The following CCSER1 variants were observed in gnomAD, a reference collection of about 807,000 sequenced individuals.
CCSER1 encodes serine-rich coiled-coil domain-containing protein 1.
In CCSER1, 41 loss-of-function variants were observed where a neutral mutation model predicts 82.0. The ratio of observed to expected loss-of-function variants is 0.50; its 90% CI spans 0.39 to 0.65. The LOEUF (loss-of-function observed/expected upper bound fraction) is 0.65. CCSER1 is among the 30% of genes least tolerant of loss of function. CCSER1 has a pLI of 0.00. For missense variants in CCSER1, 1,119 were observed against 1,064.2 expected (o/e 1.05, Z -0.72); for synonymous variants, 414 against 383.9 (o/e 1.08, Z -0.92).
intron 9 of CCSER1, among the ~76,000 whole-genome samples, chr4:90,950,487 TAAAAC>T (rs779011778): frequency 1.3e-5 from 2 of 151,998 alleles, no homozygotes; most frequent in South Asian, 2.1e-4. Context: ...TAGAAACTCT[TAAAAC>T]AAAACATACA....
intron 7 of CCSER1, among the ~76,000 whole-genome samples, chr4:90,738,456 T>C (rs898117291): frequency 5.3e-5 from 8 of 152,126 alleles, no homozygotes; most frequent in African/African-American, 1.9e-4. Flanking sequence ...TTTCTCTTAC[T>C]TTCCCCCAAA....
intron 10 of CCSER1, among the ~76,000 whole-genome samples, chr4:91,107,215 A>G (rs55693164): frequency 0.3 from 46,016 of 151,992 alleles, 8,081 homozygotes; most frequent in East Asian, 0.46. Context: ...GTGTAAGTCG[A>G]ATCTTTGATG....
intron 4 of CCSER1, among the ~76,000 whole-genome samples, chr4:90,437,704 A>G (rs992249797): frequency 6.6e-6 from 1 of 152,140 alleles, no homozygotes; most frequent in Non-Finnish European, 1.5e-5. Flanking sequence ...GAGGCAAGCA[A>G]CCTCTTCATT....
intron 10 of CCSER1, among the ~76,000 whole-genome samples, chr4:91,487,696 G>A (rs1758295032): frequency 6.6e-6 from 1 of 151,820 alleles, no homozygotes; most frequent in African/African-American, 2.4e-5. Context: ...TCCTTTAAAT[G>A]GAATTCATTC....
At chr4:91,509,546 C>T (rs1759710898) in intron 10 of CCSER1, among the ~76,000 whole-genome samples, 1 of 152,052 alleles carries the variant, frequency 6.6e-6, no homozygotes, top group Non-Finnish European at 1.5e-5. Flanking sequence ...AATATATCTA[C>T]TATTGCTGAG....
At chr4:90,883,485 T>G (rs1267449543) in intron 8 of CCSER1, among the ~76,000 whole-genome samples, 1 of 150,808 alleles carries the variant, frequency 6.6e-6, no homozygotes, top group Non-Finnish European at 1.5e-5. Flanking sequence ...TTCTGTCCAC[T>G]CTCAAAGCAA....
chr4:91,508,150 T>C (rs1238532921), intron 10 of CCSER1, among the ~76,000 whole-genome samples: 3 of 141,142 alleles, frequency 2.1e-5, no homozygotes, highest in Non-Finnish European at 4.6e-5. Context: ...ATCCTTTTTT[T>C]TTTTTTTCTG....
intron 5 of CCSER1, among the ~76,000 whole-genome samples, chr4:90,472,546 T>C (rs1258968104): frequency 6.6e-6 from 1 of 152,172 alleles, no homozygotes; most frequent in Non-Finnish European, 1.5e-5. Flanking sequence ...CATTGCTCAT[T>C]ACAGTGGCGG....
intron 8 of CCSER1, among the ~76,000 whole-genome samples, chr4:90,906,885 A>T (rs1215332808): frequency 2.0e-5 from 3 of 152,144 alleles, no homozygotes; most frequent in African/African-American, 7.2e-5. Context: ...CGCAATGCCT[A>T]TATTCAAACC....
At chr4:90,723,757 T>C (rs1743125189) in intron 6 of CCSER1, among the ~76,000 whole-genome samples, 157 bp from the exon 7 acceptor site, 1 of 152,010 alleles carries the variant, frequency 6.6e-6, no homozygotes. Context: ...TGATTTATTA[T>C]ATAATTATGA....
At chr4:90,627,835 C>A (rs922475065) in intron 5 of CCSER1, among the ~76,000 whole-genome samples, 190 bp from the exon 6 acceptor site, 15 of 151,966 alleles carry the variant, frequency 9.9e-5, no homozygotes, top group African/African-American at 3.6e-4. Context: ...AAGATCACGC[C>A]ACTGCACTCC....
chr4:91,100,737 C>A lies in CCSER1; in HGVS notation c.2217+14743C>A, dbSNP rs1403063130. 2.0e-5 allele frequency among the ~76,000 whole-genome samples: 3 copies of A among 152,204 alleles called. No individual in the cohort carries two copies. The East Asian group carries it at 5.8e-4, about 29-fold the overall frequency. On this transcript the variant is annotated intron_variant, in intron 10 of 10. Coordinates refer to ENST00000509176, the MANE Select transcript of CCSER1 (RefSeq NM_001145065.2). Reference sequence around the variant, plus strand: ...AGGTTTTGTAAGCTGTTTTTCACATCCTATATATGTTCTGGGTCATCTTCA... The same window carrying A: ...AGGTTTTGTAAGCTGTTTTTCACATACTATATATGTTCTGGGTCATCTTCA...
chr4:91,453,616 T>G (rs146536136), intron 10 of CCSER1, among the ~76,000 whole-genome samples: 72 of 152,156 alleles, frequency 4.7e-4, no homozygotes, highest in Non-Finnish European at 1.6e-4. Context: ...TTTCTATCTA[T>G]TCCCGATAAA....
chr4:91,352,942 T>A (rs1410489006), intron 10 of CCSER1, among the ~76,000 whole-genome samples: 1 of 152,018 alleles, frequency 6.6e-6, no homozygotes, highest in Non-Finnish European at 1.5e-5. Flanking sequence ...TTCAGTGCAA[T>A]GTTGAAAAAA....
At chr4:91,440,846 A>G (rs966730807) in intron 10 of CCSER1, among the ~76,000 whole-genome samples, 6 of 152,248 alleles carry the variant, frequency 3.9e-5, no homozygotes, top group Admixed American at 6.5e-5. Flanking sequence ...AAACACCTCT[A>G]TGCAAGTAAA....
chr4:90,984,389 A>G (rs1229414268), intron 9 of CCSER1, among the ~76,000 whole-genome samples: 1 of 151,790 alleles, frequency 6.6e-6, no homozygotes, highest in Non-Finnish European at 1.5e-5. Context: ...GCAAGTAGGC[A>G]AGGATCTGTC....
At chr4:90,890,489 T>C (rs1249866134) in intron 8 of CCSER1, among the ~76,000 whole-genome samples, 1 of 152,194 alleles carries the variant, frequency 6.6e-6, no homozygotes, top group African/African-American at 2.4e-5. Context: ...CAGTGAGCTG[T>C]CCTTAGCTTT....
rs1454494126 is a variant in CCSER1 at position 90,767,301 on chromosome 4, G to A, written c.2010+43310G>A. Among the ~76,000 whole-genome samples, 4 of 145,538 alleles carry A rather than the reference G, an allele frequency of 2.7e-5. No individual in the cohort carries two copies. The East Asian group carries it at 8.2e-4, about 30-fold the overall frequency. On this transcript the variant is annotated intron_variant, in intron 7 of 10. Transcript: ENST00000509176. ...TCTAAAAGAAGCAAGTGCAAATGTA[G>A]AGCAATTTTTTTTTTCATGAAAGGC... is the stretch of plus-strand genomic sequence containing the variant.
intron 1 of CCSER1, among the ~76,000 whole-genome samples, chr4:90,196,391 A>G (rs545999720): frequency 6.6e-6 from 1 of 151,968 alleles, no homozygotes; most frequent in Admixed American, 6.6e-5. Context: ...TTTATCCTTC[A>G]CTTATCTCCA....
Sources: gnomAD v4.1 joint callset for allele counts (sites outside exome capture counted in the v4.1 genomes callset) on GRCh38, gnomAD v4.1.1 for gene constraint, MANE v1.5 for transcripts, NCBI Gene and HGNC (gene_info 2026-07-23, HGNC 2026-07-21) for gene names.